ABCC6: variants seen among roughly 807,000 people sequenced by gnomAD.
ABCC6 encodes ATP-binding cassette sub-family C member 6.
ABCC6 carries 126 observed loss-of-function variants against 169.5 expected under a neutral mutation model. That is an observed-to-expected ratio of 0.74 (90% CI 0.64 to 0.86). ABCC6 has a LOEUF of 0.86. Among genes scored for constraint, ABCC6 ranks in the 40% least tolerant of loss-of-function variants. The pLI is 0.00. For missense variants in ABCC6, 1,733 were observed against 1,927.2 expected (o/e 0.90, Z 1.89); for synonymous variants, 752 against 814.7 (o/e 0.92, Z 1.31).
At chr16:16,153,086 G>T (rs1249394705) in intron 29 of ABCC6, among the ~76,000 whole-genome samples, 1 of 152,054 alleles carries the variant, frequency 6.6e-6, no homozygotes, top group Non-Finnish European at 1.5e-5. Flanking sequence ...TGTATTTTTA[G>T]TAGAGACGGG....
intron 14 of ABCC6, among the ~76,000 whole-genome samples, chr16:16,186,696 A>G (rs1376045772): frequency 6.6e-6 from 1 of 150,700 alleles, no homozygotes; most frequent in Non-Finnish European, 1.5e-5. Flanking sequence ...GTTCTACGTT[A>G]TGGTGAGTTG....
chr16:16,197,759 G>A (rs1244103435), intron 10 of ABCC6, among the ~76,000 whole-genome samples: 1 of 149,420 alleles, frequency 6.7e-6, no homozygotes, highest in Admixed American at 6.7e-5. Context: ...GGAGAGGGGA[G>A]GAAGCCTTAT....
chr16:16,174,760 A>AACCCCC (rs1555511582), intron 20 of ABCC6, among the ~76,000 whole-genome samples: 3 of 94,634 alleles, frequency 3.2e-5, no homozygotes, highest in Middle Eastern at 5.3e-3. Context: ...CTGTCTCAAA[A>AACCCCC]CCCCCCCCCG....
intron 27 of ABCC6, among the ~76,000 whole-genome samples, chr16:16,156,425 G>A (rs1379282440): frequency 1.3e-5 from 2 of 152,196 alleles, no homozygotes; most frequent in Non-Finnish European, 2.9e-5. Context: ...AAAACTAGAA[G>A]CTCATGGAGC....
intron 27 of ABCC6, chr16:16,155,354 T>TC (rs941107046): frequency 6.8e-6 from 3 of 439,448 alleles, no homozygotes; most frequent in African/African-American, 6.0e-5. Context: ...TTCTACCCCA[T>TC]CCCATCCATC....
chr16:16,220,047 C>G, intron 2 of ABCC6, 100 bp from the exon 3 acceptor site: 1 of 1,506,852 alleles, frequency 6.6e-7, no homozygotes, highest in Non-Finnish European at 9.0e-7. Flanking sequence ...TCTGCAACAT[C>G]CTGGCTGATA....
intron 17 of ABCC6, chr16:16,182,023 G>A (rs73524035): frequency 0.018 from 5,842 of 316,022 alleles, 111 homozygotes; most frequent in African/African-American, 0.052. Flanking sequence ...CATAGCTCCA[G>A]ATGCATATAT....
chr16:16,177,761 G>T (rs1007682937), intron 18 of ABCC6, 135 bp from the exon 19 acceptor site: 2 of 1,058,576 alleles, frequency 1.9e-6, no homozygotes, highest in East Asian at 2.4e-5. Flanking sequence ...TGGCTGACAC[G>T]GCTAAGCCCC....
rs1361056251 is a variant in ABCC6, at chr16:16,221,781, C to T, written c.87G>A (p.Leu29=). The change falls in exon 2 of 31, where the codon CTG becomes CTA. Residue 29 remains leucine, a synonymous_variant. Transcript: ENST00000205557. ...PEPAATSLLS[L]CFLRTAGVWV... ...AGACCCCTGCTGTTCTCAGGAAGCA[C>T]AGGCTCAGCAGGCTGGTGGCGGCAG... 23 of 1,613,692 alleles carry T rather than the reference C, an allele frequency of 1.4e-5. No homozygotes were observed. Among genetic ancestry groups the T allele is most frequent in the Non-Finnish European group, 1.9e-5 (23 of 1,179,676 alleles).
chr16:16,161,660 C>T, intron 24 of ABCC6, 96 bp from the exon 25 acceptor site: 1 of 1,541,778 alleles, frequency 6.5e-7, no homozygotes, highest in Admixed American at 1.8e-5. Flanking sequence ...CAGCTTTGTA[C>T]ACACAGGGGT....
chr16:16,171,912 T>G (rs1179225547), intron 21 of ABCC6, among the ~76,000 whole-genome samples: 7 of 2,096 alleles, frequency 3.3e-3, no homozygotes, highest in Admixed American at 4.8e-3. Context: ...AATGAATGGG[T>G]GGGTGGGTGG....
chr16:16,193,339 C>A (rs978471374), intron 10 of ABCC6, among the ~76,000 whole-genome samples: 10 of 152,182 alleles, frequency 6.6e-5, no homozygotes, highest in Admixed American at 5.9e-4. Context: ...AAGAAATAAC[C>A]ATAAAAATGG....
intron 27 of ABCC6, among the ~76,000 whole-genome samples, chr16:16,156,696 C>A (rs1018182319): frequency 2.0e-5 from 3 of 151,836 alleles, no homozygotes; most frequent in African/African-American, 7.3e-5. Flanking sequence ...GCCTGTAGTC[C>A]CAGCACTTTG....
intron 25 of ABCC6, among the ~76,000 whole-genome samples, chr16:16,160,902 T>A (rs769935690): frequency 7.2e-5 from 11 of 151,982 alleles, no homozygotes; most frequent in African/African-American, 1.5e-4. Context: ...ATATATATAT[T>A]TTTTTCATAG....
chr16:16,209,990 C>G (rs2048546494), intron 6 of ABCC6, among the ~76,000 whole-genome samples: 1 of 152,040 alleles, frequency 6.6e-6, no homozygotes, highest in Non-Finnish European at 1.5e-5. Flanking sequence ...GTTGGCCTTC[C>G]AAAGTGTTGG....
At chr16:16,193,755 C>T (rs548885854) in intron 10 of ABCC6, among the ~76,000 whole-genome samples, 2 of 152,166 alleles carry the variant, frequency 1.3e-5, no homozygotes, top group African/African-American at 2.4e-5. Flanking sequence ...TTTATGGACT[C>T]GCCCTGAATT....
intron 9 of ABCC6, among the ~76,000 whole-genome samples, chr16:16,200,512 G>A (rs1191457224): frequency 6.8e-6 from 1 of 147,072 alleles, no homozygotes; most frequent in Admixed American, 6.9e-5. Context: ...CTCCTGGCGT[G>A]TGGGTGGGGA....
Position 16,178,892 on chromosome 16 carries a change from T to A in ABCC6, c.2321A>T (p.Tyr774Phe). ...ARAVYRKAAV[Y>F]LLDDPLAALD... The stretch of plus-strand genomic sequence containing the variant: ...GGCCGCCAGGGGGTCATCCAGCAGG[T>A]ACACAGCTGCCTTTCTGTATACAGC... The change falls in exon 18 of 31, where the codon TAC (tyrosine) becomes TTC (phenylalanine). Residue 774 changes from tyrosine (Y) to phenylalanine (F), a missense_variant. By Grantham distance (22) the Tyr-to-Phe change is conservative. Around this residue, in one of 5 missense-constraint regions of ABCC6, gnomAD observed 1,601 missense variants for 1,635.5 expected, o/e 0.98. Transcript: ENST00000205557. The A allele has an allele frequency of 6.2e-7, 1 of 1,613,840 alleles. No homozygotes were observed. The highest frequency in any genetic ancestry group is 8.5e-7 in the Non-Finnish European group (1 of 1,180,030).
At position 16,202,175 on chromosome 16, in the gene ABCC6, A is replaced by G. The variant is rs1414513283; in HGVS notation, c.1002T>C (p.Leu334=). The change falls in exon 9 of 31, where the codon CTT becomes CTC. Residue 334 remains leucine (L), a synonymous_variant. Transcript: ENST00000205557. ...TGGGATCACCAATAAACTCCAGGAA[A>G]AGGCTTGCAGGGGAAGGAGGGAGAA... ...FRFTVPKLLS[L]FLEFIGDPKP... is the part of the protein sequence containing the mutation. The G allele has an allele frequency of 8.7e-6, 14 of 1,611,852 alleles. No homozygotes were observed. Among genetic ancestry groups the G allele is most frequent in the Non-Finnish European group, 1.1e-5 (13 of 1,179,010 alleles).
Sources: gnomAD v4.1 joint callset for allele counts (sites outside exome capture counted in the v4.1 genomes callset) on GRCh38, gnomAD v4.1.1 for gene constraint, gnomAD v4.1.1 regional missense constraint, MANE v1.5 for transcripts, NCBI Gene and HGNC (gene_info 2026-07-23, HGNC 2026-07-21) for gene names.